ZHX2: variants seen among roughly 807,000 people sequenced by gnomAD.
ZHX2 encodes the protein zinc fingers and homeoboxes 2.
Under a neutral mutation model 21.9 loss-of-function variants are expected in ZHX2, and 6 were observed. The observed-to-expected ratio is 0.27, with a 90% confidence interval of 0.15 to 0.54. The LOEUF (loss-of-function observed/expected upper bound fraction) is 0.54, where lower values mean the gene tolerates loss of function less well. ZHX2 is among the 20% of genes least tolerant of loss of function. ZHX2 has a pLI of 0.95. For synonymous variants in ZHX2, 434 were observed against 437.1 expected (o/e 0.99, Z 0.09); for missense variants, 908 against 1,090.7 (o/e 0.83, Z 2.36).
chr8:122,789,806 C>T (rs1285717308), intron 1 of ZHX2, among the ~76,000 whole-genome samples: 1 of 152,188 alleles, frequency 6.6e-6, no homozygotes, highest in African/African-American at 2.4e-5. Context: ...TCTGCGATTT[C>T]ATTATCTTGT....
chr8:122,785,961 G>A (rs1358609676), intron 1 of ZHX2, among the ~76,000 whole-genome samples: 4 of 152,204 alleles, frequency 2.6e-5, no homozygotes, highest in African/African-American at 4.8e-5. Context: ...GCAGACAAAC[G>A]AGCTTAGTTC....
At chr8:122,911,935 T>C (rs1820490310) in intron 2 of ZHX2, among the ~76,000 whole-genome samples, 1 of 152,088 alleles carries the variant, frequency 6.6e-6, no homozygotes, top group African/African-American at 2.4e-5. Flanking sequence ...ATGGCTCCCC[T>C]AAGGCTCTGA....
chr8:122,870,438 T>C (rs961968572), intron 2 of ZHX2, among the ~76,000 whole-genome samples: 12 of 151,410 alleles, frequency 7.9e-5, no homozygotes, highest in Admixed American at 7.9e-4. Context: ...AAGACCAGCC[T>C]GGCCAACAAG....
Position 122,827,764 on chromosome 8 carries a change from G to GA in ZHX2, c.-282-35707dup, listed in dbSNP as rs149427237. On this transcript the variant is annotated intron_variant, in intron 1 of 3. Transcript: ENST00000314393. ...AGGTTGGTGCAAAAGTAGTTGCAGTGAAAAAACCACAATTACATTTGCACC... is the reference window on the plus strand; with the variant it reads ...AGGTTGGTGCAAAAGTAGTTGCAGTGAAAAAAACCACAATTACATTTGCACC... Among the ~76,000 whole-genome samples, 118 of 152,292 alleles carry GA rather than the reference G, an allele frequency of 7.7e-4. 2 individuals carry two copies. Among genetic ancestry groups the GA allele is most frequent in the African/African-American group, 2.6e-3 (107 of 41,560 alleles).
At chr8:122,783,267 TCCCCTTTTA>T (rs1183012862) in intron 1 of ZHX2, among the ~76,000 whole-genome samples, 1 of 152,112 alleles carries the variant, frequency 6.6e-6, no homozygotes, top group Non-Finnish European at 1.5e-5. Context: ...CCTCGACCCC[TCCCCTTTTA>T]AAGAGTGGTT....
At chr8:122,802,705 G>A (rs991281672) in intron 1 of ZHX2, among the ~76,000 whole-genome samples, 2 of 152,194 alleles carry the variant, frequency 1.3e-5, no homozygotes, top group African/African-American at 2.4e-5. Flanking sequence ...AAAGAGAAAG[G>A]GGGCAGAGGA....
At position 122,783,474 on chromosome 8, in the gene ZHX2, A is replaced by G. The variant is rs1817333263; in HGVS notation, c.-283+1528A>G. On this transcript the variant is annotated intron_variant, in intron 1 of 3. Transcript: ENST00000314393. ...TCTTGAATTGCCCAGACCTCCCACA[A>G]TTACCCTCTTAAAACCACACACACA... Among the ~76,000 whole-genome samples the G allele has an allele frequency of 2.0e-5, 3 of 151,906 alleles. No homozygotes were observed. The South Asian group carries it at 6.2e-4, about 32-fold the overall frequency.
At chr8:122,955,951 T>C (rs1241433717) in intron 3 of ZHX2, among the ~76,000 whole-genome samples, 1 of 151,014 alleles carries the variant, frequency 6.6e-6, no homozygotes, top group Non-Finnish European at 1.5e-5. Context: ...TTCAAGCAGT[T>C]CTCCTGCATC....
rs917484968 is a variant in ZHX2 at position 122,875,312 on chromosome 8, A to G, written c.-220+11773A>G. 3.3e-5 allele frequency among the ~76,000 whole-genome samples: 5 copies of G among 151,808 alleles called. No homozygotes were observed. The East Asian group carries it at 9.7e-4, about 29-fold the overall frequency. On this transcript the variant is annotated intron_variant, in intron 2 of 3. Transcript: ENST00000314393. Reference sequence around the variant, plus strand: ...GCTAAGAATGGTATTGTATTTTTAAAGGGTTGTAAAAAACAAACAAAACAA... The same window carrying G: ...GCTAAGAATGGTATTGTATTTTTAAGGGGTTGTAAAAAACAAACAAAACAA...
chr8:122,789,128 G>A (rs1817459708), intron 1 of ZHX2, among the ~76,000 whole-genome samples: 1 of 152,224 alleles, frequency 6.6e-6, no homozygotes, highest in Admixed American at 6.5e-5. Flanking sequence ...GCCAATGGGG[G>A]AAGGGGGTGG....
intron 1 of ZHX2, among the ~76,000 whole-genome samples, chr8:122,840,858 T>A (rs1431019620): frequency 6.6e-6 from 1 of 152,318 alleles, no homozygotes; most frequent in African/African-American, 2.4e-5. Flanking sequence ...TGAAATCCAG[T>A]GTGACTTGCT....
Position 122,953,860 on chromosome 8 carries a change from G to A in ZHX2, c.2350G>A (p.Glu784Lys), listed in dbSNP as rs777898860. 2.4e-5 allele frequency: 38 copies of A among 1,614,096 alleles called. No homozygotes were observed. Among genetic ancestry groups the A allele is most frequent in the East Asian group, 8.9e-5 (4 of 44,886 alleles). Reference protein sequence around the residue: ...GSSRDGQGSDENEESSVVDYV... With the variant: ...GSSRDGQGSDKNEESSVVDYV... ...CAGCCGGGACGGCCAGGGTAGCGACGAGAACGAGGAGTCGAGCGTTGTGGA... is the reference window on the plus strand; with the variant it reads ...CAGCCGGGACGGCCAGGGTAGCGACAAGAACGAGGAGTCGAGCGTTGTGGA... Residue 784 changes from glutamate (E) to lysine (K), a missense_variant, in exon 3 of 4, where the codon GAG becomes AAG. Coordinates refer to ENST00000314393, the MANE Select transcript of ZHX2 (RefSeq NM_014943.5). This position sits in a 1 kb window ranked among gnomAD's most constrained non-coding sequence, Gnocchi z 4.6.
intron 1 of ZHX2, among the ~76,000 whole-genome samples, chr8:122,809,949 G>C (rs11776565): frequency 1.0e-3 from 153 of 152,098 alleles, no homozygotes; most frequent in Admixed American, 2.6e-3. Flanking sequence ...ATTGGGTAGG[G>C]GGGGTGGAGG....
At chr8:122,814,369 T>A (rs1586584210) in intron 1 of ZHX2, among the ~76,000 whole-genome samples, 1 of 152,358 alleles carries the variant, frequency 6.6e-6, no homozygotes, top group East Asian at 1.9e-4. Flanking sequence ...ATGTTGATAT[T>A]ACTGTTGTGA....
At chr8:122,780,398 A>T (rs766300993), upstream of ZHX2, 1 of 152,354 alleles carries the variant, frequency 6.6e-6, no homozygotes, top group Non-Finnish European at 1.5e-5. Flanking sequence ...CTGCGCTCGA[A>T]GCTTCTAAAC....
chr8:122,855,171 A>T (rs1818998056), intron 1 of ZHX2, among the ~76,000 whole-genome samples: 1 of 152,222 alleles, frequency 6.6e-6, no homozygotes, highest in Admixed American at 6.5e-5. Context: ...TTTGTAAAAC[A>T]GGGATAATCA....
chr8:122,833,790 A>T (rs111544948), intron 1 of ZHX2, among the ~76,000 whole-genome samples: 16,513 of 152,016 alleles, frequency 0.11, 975 homozygotes, highest in South Asian at 0.16. Context: ...AGGTCAGGAG[A>T]TCGAGACCAT....
intron 2 of ZHX2, among the ~76,000 whole-genome samples, chr8:122,931,639 T>C (rs1165178450): frequency 2.6e-5 from 4 of 152,088 alleles, no homozygotes; most frequent in Non-Finnish European, 5.9e-5. Context: ...CGCTGCAGCA[T>C]CAGAGTCTTC....
intron 2 of ZHX2, among the ~76,000 whole-genome samples, chr8:122,872,148 G>A (rs1386965413): frequency 6.6e-6 from 1 of 152,222 alleles, no homozygotes; most frequent in Non-Finnish European, 1.5e-5. Flanking sequence ...TGCACAGACA[G>A]CTGATGGAGG....
Sources: gnomAD v4.1 joint callset for allele counts (sites outside exome capture counted in the v4.1 genomes callset) on GRCh38, gnomAD v4.1.1 for gene constraint, Gnocchi (gnomAD v3.1) non-coding constraint, MANE v1.5 for transcripts, NCBI Gene and HGNC (gene_info 2026-07-23, HGNC 2026-07-21) for gene names.